The following VCPIP1 variants were observed in gnomAD, a reference collection of about 807,000 sequenced individuals.
VCPIP1 encodes valosin containing protein interacting protein 1, also known as deubiquitinating protein VCPIP1.
Under a neutral mutation model 85.0 loss-of-function variants are expected in VCPIP1, and 8 were observed. That is an observed-to-expected ratio of 0.09 (90% CI 0.06 to 0.17). VCPIP1 has a LOEUF of 0.17. VCPIP1 is among the 10% of genes least tolerant of loss of function. VCPIP1 has a pLI of 1.00. For missense variants in VCPIP1, 1,070 were observed against 1,486.3 expected (o/e 0.72, Z 4.61); for synonymous variants, 543 against 544.5 (o/e 1.00, Z 0.04).
At chr8:66,638,595 C>T (rs998533145) in intron 2 of VCPIP1, among the ~76,000 whole-genome samples, 10 of 151,606 alleles carry the variant, frequency 6.6e-5, no homozygotes, top group Admixed American at 1.3e-4. Flanking sequence ...CTGGCTAACA[C>T]GGTGAAACCT....
chr8:66,659,410 G>T (rs747939988), intron 1 of VCPIP1, among the ~76,000 whole-genome samples: 1 of 152,076 alleles, frequency 6.6e-6, no homozygotes, highest in South Asian at 2.1e-4. Context: ...CTGGATAAAA[G>T]AGATTAAAAA....
intron 1 of VCPIP1, among the ~76,000 whole-genome samples, chr8:66,657,489 A>G (rs894574812): frequency 4.6e-5 from 7 of 152,170 alleles, no homozygotes; most frequent in Non-Finnish European, 1.0e-4. Context: ...TATCTACCCT[A>G]TTGATAGTCA....
intron 2 of VCPIP1, among the ~76,000 whole-genome samples, chr8:66,636,804 C>T (rs1810891870): frequency 6.6e-6 from 1 of 150,378 alleles, no homozygotes; most frequent in Non-Finnish European, 1.5e-5. Context: ...GCAGTGAGCC[C>T]AGATCATGCC....
rs760398061 is a variant in VCPIP1 at position 66,666,046 on chromosome 8, G to A, written c.913C>T (p.Leu305=). 1 of 1,614,136 alleles carries A rather than the reference G, an allele frequency of 6.2e-7. No individual in the cohort carries two copies. Among genetic ancestry groups the A allele is most frequent in the South Asian group, 1.1e-5 (1 of 91,074 alleles). ...LANVLHRPII[L]LDSLSGMRSS... Reference sequence around the variant, plus strand: ...CTCATGCCACTGAGGGAATCTAACAGAATAATAGGACGATGTAGCACATTG... The same window carrying A: ...CTCATGCCACTGAGGGAATCTAACAAAATAATAGGACGATGTAGCACATTG... Residue 305 remains leucine (L), a synonymous_variant, in exon 1 of 3, where the codon CTG becomes TTG. Coordinates refer to ENST00000310421, the MANE Select transcript of VCPIP1 (RefSeq NM_025054.5). The surrounding 1 kb of genome is among the most constrained non-coding windows in gnomAD (Gnocchi z 6.3).
intron 1 of VCPIP1, among the ~76,000 whole-genome samples, chr8:66,655,669 G>A (rs1003919096): frequency 6.6e-6 from 1 of 151,524 alleles, no homozygotes; most frequent in African/African-American, 2.4e-5. Flanking sequence ...TTCTCTTCAA[G>A]AATCTAATAA....
intron 2 of VCPIP1, among the ~76,000 whole-genome samples, chr8:66,650,795 G>T (rs1811045003): frequency 6.9e-6 from 1 of 145,968 alleles, no homozygotes; most frequent in Non-Finnish European, 1.5e-5. Flanking sequence ...CAGAGGCGGA[G>T]GTTGCAGTGA....
intron 1 of VCPIP1, among the ~76,000 whole-genome samples, chr8:66,659,808 T>C (rs902958622): frequency 1.3e-5 from 2 of 152,020 alleles, no homozygotes; most frequent in African/African-American, 4.8e-5. Context: ...GGTGCGCACC[T>C]GTAGTCCCAG....
intron 2 of VCPIP1, among the ~76,000 whole-genome samples, chr8:66,650,397 G>C (rs1811040445): frequency 6.6e-6 from 1 of 152,156 alleles, no homozygotes; most frequent in Non-Finnish European, 1.5e-5. Context: ...TGGCCAGGTA[G>C]GTGAAATAGA....
intron 1 of VCPIP1, among the ~76,000 whole-genome samples, chr8:66,663,359 C>T (rs576534768): frequency 4.5e-4 from 69 of 152,152 alleles, no homozygotes; most frequent in Admixed American, 1.0e-3. Context: ...TGACTTTTCT[C>T]GTTGAAAGCT....
chr8:66,634,402 A>T lies in VCPIP1; in HGVS notation c.*99T>A. The T allele has an allele frequency of 7.5e-7, 1 of 1,338,282 alleles. No homozygotes were observed. The highest frequency in any genetic ancestry group is 1.0e-6 in the Non-Finnish European group (1 of 981,554). The allele number at this position is 1,338,282 out of a possible 1,614,324, so 82.9% of individuals were successfully genotyped here. ...ACAAGATATAATCTTTGAATTATATACGTACAAGATTTTTAATGACTAATC... is the reference window on the plus strand; with the variant it reads ...ACAAGATATAATCTTTGAATTATATTCGTACAAGATTTTTAATGACTAATC... On this transcript the variant is annotated 3_prime_UTR_variant, in exon 3 of 3. Coordinates refer to ENST00000310421, the MANE Select transcript of VCPIP1 (RefSeq NM_025054.5).
At position 66,664,345 on chromosome 8, in the gene VCPIP1, C is replaced by T. The variant is rs1811185352; in HGVS notation, c.2614G>A (p.Glu872Lys). Residue 872 changes from glutamate to lysine, a missense_variant, in exon 1 of 3, where the codon GAA (glutamate) becomes AAA (lysine). Glu to Lys is a moderately conservative substitution (Grantham distance 56). Transcript: ENST00000310421. Reference protein sequence around the residue: ...AAHSAHTVKQEDIAVTGKLSS... With the variant: ...AAHSAHTVKQKDIAVTGKLSS... ...AGTTTACCAGTAACAGCAATATCTT[C>T]TTGTTTCACAGTGTGGGCTGAGTGT... 1 of 1,613,160 alleles carries T rather than the reference C, an allele frequency of 6.2e-7. No homozygotes were observed. Among genetic ancestry groups the T allele is most frequent in the Admixed American group, 1.7e-5 (1 of 59,962 alleles).
chr8:66,667,036 C>G lies in VCPIP1; in HGVS notation c.-78G>C. On this transcript the variant is annotated 5_prime_UTR_variant, in exon 1 of 3. Transcript: ENST00000310421. ...ATAGCCCAGACCCCCACCAACCCGA[C>G]TCGGTCCAGTCCAGGCCCAGGGCGA... 3.5e-6 allele frequency: 5 copies of G among 1,440,980 alleles called. No homozygotes were observed. Among genetic ancestry groups the G allele is most frequent in the Non-Finnish European group, 4.5e-6 (5 of 1,100,944 alleles). The allele number at this position is 1,440,980 out of a possible 1,614,324, so 89.3% of individuals were successfully genotyped here. A position where few individuals can be genotyped will look rare whatever the true frequency, so the allele number is the denominator to read the frequency against.
At chr8:66,651,775 C>T (rs186066465) in intron 1 of VCPIP1, among the ~76,000 whole-genome samples, 399 of 152,198 alleles carry the variant, frequency 2.6e-3, no homozygotes, top group African/African-American at 8.9e-3. Flanking sequence ...GAAGAGTGCA[C>T]GCCTAGTGTC....
chr8:66,639,021 C>T (rs1345884114), intron 2 of VCPIP1, among the ~76,000 whole-genome samples: 1 of 148,682 alleles, frequency 6.7e-6, no homozygotes, highest in Non-Finnish European at 1.5e-5. Context: ...CTCACTCTGT[C>T]AACCAGGCTG....
At chr8:66,660,439 T>C (rs535596547) in intron 1 of VCPIP1, among the ~76,000 whole-genome samples, 6 of 152,340 alleles carry the variant, frequency 3.9e-5, no homozygotes, top group Non-Finnish European at 7.3e-5. Context: ...CTACTTAGAA[T>C]GGTCAGCAAA....
At chr8:66,646,756 C>G (rs777587925) in intron 2 of VCPIP1, among the ~76,000 whole-genome samples, 1 of 151,556 alleles carries the variant, frequency 6.6e-6, no homozygotes, top group Non-Finnish European at 1.5e-5. Flanking sequence ...CAAGATCGTG[C>G]ACTCCATCCA....
intron 1 of VCPIP1, among the ~76,000 whole-genome samples, chr8:66,656,863 C>A (rs1811105296): frequency 6.9e-6 from 1 of 144,446 alleles, no homozygotes. Context: ...GCCCCCTCGG[C>A]CTACCAAAGT....
intron 1 of VCPIP1, among the ~76,000 whole-genome samples, chr8:66,656,579 C>T (rs1811102694): frequency 6.6e-6 from 1 of 152,038 alleles, no homozygotes; most frequent in Non-Finnish European, 1.5e-5. Flanking sequence ...AATCTAATAC[C>T]TATATGAAAT....
At chr8:66,653,366 T>C (rs1413546915) in intron 1 of VCPIP1, 2 of 152,218 alleles carry the variant, frequency 1.3e-5, no homozygotes, top group African/African-American at 4.8e-5. Context: ...TTGTCCTAAA[T>C]GCACTTAATA....
Sources: gnomAD v4.1 joint callset for allele counts (sites outside exome capture counted in the v4.1 genomes callset) on GRCh38, gnomAD v4.1.1 for gene constraint, Gnocchi (gnomAD v3.1) non-coding constraint, MANE v1.5 for transcripts, NCBI Gene and HGNC (gene_info 2026-07-23, HGNC 2026-07-21) for gene names.